The following RFC1 variants were observed in gnomAD, a reference collection of about 807,000 sequenced individuals.
RFC1 encodes the protein replication factor C subunit 1, also known as A1 140 kDa subunit.
RFC1 carries 37 observed loss-of-function variants against 137.4 expected under a neutral mutation model. The ratio of observed to expected loss-of-function variants is 0.27; its 90% CI spans 0.21 to 0.35. RFC1 has a LOEUF of 0.35. Among genes scored for constraint, RFC1 ranks in the 10% least tolerant of loss-of-function variants. The pLI is 1.00. For synonymous variants in RFC1, 429 were observed against 455.7 expected, an observed-to-expected ratio of 0.94 and a Z score of 0.75; for missense variants, 1,205 against 1,358.5, an observed-to-expected ratio of 0.89 and a Z score of 1.78.
rs201311873 is a variant in RFC1, at chr4:39,320,649, C to G, written c.829G>C (p.Asp277His). ...CTAGGACTGTAGCTCTTTCTTTCAT[C>G]TGAAACTTGTGCTGTTTTTACTAGG... ...PHKVKTAQVSDERKSYSPRKQ... is the reference protein window; with the variant it reads ...PHKVKTAQVSHERKSYSPRKQ... Residue 277 changes from aspartate to histidine, a missense_variant, in exon 9 of 25, where the codon GAT becomes CAT. Physicochemically the swap from Asp to His is moderately conservative, Grantham distance 81. Around this residue, in one of 3 missense-constraint regions of RFC1, gnomAD observed 962 missense variants for 1,035.3 expected, o/e 0.93. Transcript: ENST00000349703. 2 of 1,580,712 alleles carry G rather than the reference C, an allele frequency of 1.3e-6. No individual in the cohort carries two copies. Among genetic ancestry groups the G allele is most frequent in the African/African-American group, 1.4e-5 (1 of 72,708 alleles).
intron 24 of RFC1, among the ~76,000 whole-genome samples, chr4:39,289,242 C>T (rs1737535337): frequency 6.6e-6 from 1 of 152,096 alleles, no homozygotes; most frequent in African/African-American, 2.4e-5. Flanking sequence ...TTTGTGAAAG[C>T]AGAAGAGAGG....
intron 4 of RFC1, among the ~76,000 whole-genome samples, chr4:39,330,148 A>G (rs1443813600): frequency 6.6e-6 from 1 of 152,138 alleles, no homozygotes. Flanking sequence ...AGTGGCTCCT[A>G]TGTCCTCTCA....
chr4:39,320,801 G>T, intron 8 of RFC1, 132 bp from the exon 9 acceptor site: 1 of 736,986 alleles, frequency 1.4e-6, no homozygotes, highest in Non-Finnish European at 2.1e-6. Flanking sequence ...AAAGTGTCAA[G>T]ACCATCTGTT....
chr4:39,308,932 C>T lies in RFC1; in HGVS notation c.1589G>A (p.Arg530Lys), dbSNP rs1738827549. 3 of 1,614,004 alleles carry T rather than the reference C, an allele frequency of 1.9e-6. No individual in the cohort carries two copies. ...CAAACTGTCCCTTTTGGAAGTCGGC[C>T]TGCTCTTTTTAGATTCTGATTCCTT... ...SKKESESKKS[R>K]PTSKRDSLAK... The change falls in exon 13 of 25, where the codon AGG becomes AAG. Residue 530 changes from arginine to lysine, a missense_variant. By Grantham distance (26) the Arg-to-Lys change is conservative. This residue lies in a region of RFC1 where 962 missense variants were observed against 1,035.3 expected (regional missense o/e 0.93). Transcript: ENST00000349703.
intron 10 of RFC1, among the ~76,000 whole-genome samples, chr4:39,313,910 G>C (rs932121695): frequency 1.3e-5 from 2 of 152,132 alleles, no homozygotes; most frequent in African/African-American, 4.8e-5. Context: ...AAGAGAGCTG[G>C]ATGGAAAAGA....
At chr4:39,352,667 A>G (rs1741266693) in intron 1 of RFC1, among the ~76,000 whole-genome samples, 1 of 152,216 alleles carries the variant, frequency 6.6e-6, no homozygotes, top group Non-Finnish European at 1.5e-5. Flanking sequence ...TGGCCCAGTA[A>G]AAATCTTACC....
Position 39,312,805 on chromosome 4 carries a change from T to C in RFC1, c.1330A>G (p.Lys444Glu). Reference sequence around the variant, plus strand: ...CGACCCATGACAAGATAATTTGTTTTCTTGCTGACATTTCCTGTTACTTTT... The same window carrying C: ...CGACCCATGACAAGATAATTTGTTTCCTTGCTGACATTTCCTGTTACTTTT... ...GGKVTGNVSK[K>E]TNYLVMGRDS... Residue 444 changes from lysine (K) to glutamate (E), a missense_variant, in exon 11 of 25, where the codon AAA becomes GAA. Transcript: ENST00000349703. The C allele has an allele frequency of 6.2e-7, 1 of 1,614,152 alleles. No homozygotes were observed. The highest frequency in any genetic ancestry group is 8.5e-7 in the Non-Finnish European group (1 of 1,180,008).
At chr4:39,350,099 T>A (rs1369348214) in intron 2 of RFC1, among the ~76,000 whole-genome samples, 1 of 151,816 alleles carries the variant, frequency 6.6e-6, no homozygotes, top group African/African-American at 2.4e-5. Flanking sequence ...AATTCTAGAA[T>A]TAAAAAATAC....
chr4:39,318,409 T>A (rs1335756260), intron 9 of RFC1, among the ~76,000 whole-genome samples: 1 of 152,152 alleles, frequency 6.6e-6, no homozygotes, highest in African/African-American at 2.4e-5. Flanking sequence ...GAAAAACGAT[T>A]AATTTACGAC....
intron 10 of RFC1, among the ~76,000 whole-genome samples, chr4:39,316,133 GGC>G (rs1472634835): frequency 6.6e-6 from 1 of 152,228 alleles, no homozygotes. Flanking sequence ...CAGAGGCTGA[GGC>G]AGGAGAATCG....
intron 21 of RFC1, among the ~76,000 whole-genome samples, chr4:39,297,447 G>C (rs1738076086): frequency 7.1e-6 from 1 of 140,248 alleles, no homozygotes; most frequent in African/African-American, 2.7e-5. Flanking sequence ...GTAAGGAAGG[G>C]ATCCAGTTTC....
chr4:39,307,668 A>T (rs1011098997), intron 13 of RFC1, among the ~76,000 whole-genome samples: 1 of 152,046 alleles, frequency 6.6e-6, no homozygotes, highest in Admixed American at 6.5e-5. Flanking sequence ...GTGAGCCAAG[A>T]TCGCACCACT....
intron 12 of RFC1, 74 bp downstream of exon 12, chr4:39,311,371 C>T: frequency 8.3e-7 from 1 of 1,211,018 alleles, no homozygotes; most frequent in Non-Finnish European, 1.2e-6. Flanking sequence ...AAGCCTGTAT[C>T]CACCCAAGAC....
intron 4 of RFC1, among the ~76,000 whole-genome samples, chr4:39,333,858 A>G (rs546776547): frequency 6.6e-6 from 1 of 152,308 alleles, no homozygotes; most frequent in South Asian, 2.1e-4. Flanking sequence ...AATTTCTGAG[A>G]AAAATTTAAT....
intron 1 of RFC1, among the ~76,000 whole-genome samples, chr4:39,364,751 A>G (rs1437877453): frequency 6.6e-6 from 1 of 152,136 alleles, no homozygotes; most frequent in Non-Finnish European, 1.5e-5. Context: ...AATCCCCAAA[A>G]CAATCACTAT....
chr4:39,306,197 C>T (rs1738643895), intron 14 of RFC1, among the ~76,000 whole-genome samples: 1 of 152,182 alleles, frequency 6.6e-6, no homozygotes, highest in Non-Finnish European at 1.5e-5. Context: ...ACCCTCCTCC[C>T]TAAGCCTATT....
In RFC1 at chr4:39,311,436, T is replaced by C. The variant is rs371698829; in HGVS notation, c.1488+9A>G. 1 of 1,608,378 alleles carries C rather than the reference T, an allele frequency of 6.2e-7. No homozygotes were observed. Among genetic ancestry groups the C allele is most frequent in the Admixed American group, 1.7e-5 (1 of 59,968 alleles). On this transcript the variant is annotated intron_variant, in intron 12 of 24. Coordinates refer to ENST00000349703, the MANE Select transcript of RFC1 (RefSeq NM_002913.5). ...ACACCAACTTAAATCACATTCATTT[T>C]ATACGAACCTCAGTTTCAACTGCTA...
chr4:39,354,427 T>C (rs1741357185), intron 1 of RFC1, among the ~76,000 whole-genome samples: 1 of 152,132 alleles, frequency 6.6e-6, no homozygotes, highest in African/African-American at 2.4e-5. Context: ...AACTCCCAAA[T>C]AATGAATCTA....
intron 2 of RFC1, among the ~76,000 whole-genome samples, chr4:39,350,070 CA>C (rs1489729190): frequency 3.3e-5 from 5 of 151,376 alleles, no homozygotes; most frequent in African/African-American, 1.2e-4. Flanking sequence ...ATTAAAGCTA[CA>C]AAAAAGAAAC....
Sources: gnomAD v4.1 joint callset for allele counts (sites outside exome capture counted in the v4.1 genomes callset) on GRCh38, gnomAD v4.1.1 for gene constraint, gnomAD v4.1.1 regional missense constraint, MANE v1.5 for transcripts, NCBI Gene and HGNC (gene_info 2026-07-23, HGNC 2026-07-21) for gene names.